The following FGGY variants were observed in gnomAD, a reference collection of about 807,000 sequenced individuals.
The protein encoded by FGGY is FGGY carbohydrate kinase domain-containing protein.
Under a neutral mutation model 71.3 loss-of-function variants are expected in FGGY, and 72 were observed. The ratio of observed to expected loss-of-function variants is 1.01; its 90% confidence interval spans 0.84 to 1.23. The LOEUF is 1.23. Ranked by LOEUF, FGGY falls within the 50% of genes most tolerant of loss-of-function variation. The pLI is 0.00. For synonymous variants in FGGY, 251 were observed against 250.3 expected (o/e 1.00, Z -0.02); for missense variants, 668 against 682.3 (o/e 0.98, Z 0.23).
chr1:59,592,540 G>A (rs1166059185), intron 8 of FGGY, among the ~76,000 whole-genome samples: 1 of 152,062 alleles, frequency 6.6e-6, no homozygotes, highest in Non-Finnish European at 1.5e-5. Context: ...CAACCCAAAT[G>A]TCCAACAATG....
intron 6 of FGGY, among the ~76,000 whole-genome samples, chr1:59,473,001 A>C (rs1291851341): frequency 6.6e-6 from 1 of 152,120 alleles, no homozygotes; most frequent in Non-Finnish European, 1.5e-5. Flanking sequence ...AAAACAGACC[A>C]CTCGGCTCTA....
chr1:59,583,809 G>A (rs1461741965), intron 8 of FGGY, among the ~76,000 whole-genome samples: 2 of 142,270 alleles, frequency 1.4e-5, no homozygotes, highest in African/African-American at 5.5e-5. Flanking sequence ...AGAGAGTGAG[G>A]AGTGAGAGGT....
intron 5 of FGGY, among the ~76,000 whole-genome samples, chr1:59,437,890 C>G (rs917966645): frequency 6.6e-6 from 1 of 152,162 alleles, no homozygotes; most frequent in African/African-American, 2.4e-5. Flanking sequence ...TGGCCTCTGA[C>G]CAGTCAGGGA....
At chr1:59,749,893 A>G (rs1471704311) in intron 14 of FGGY, among the ~76,000 whole-genome samples, 3 of 152,198 alleles carry the variant, frequency 2.0e-5, no homozygotes, top group African/African-American at 4.8e-5. Context: ...AAATTCTGGC[A>G]GTCTGTTATA....
At chr1:59,614,409 C>T (rs2096726968) in intron 9 of FGGY, among the ~76,000 whole-genome samples, 1 of 152,198 alleles carries the variant, frequency 6.6e-6, no homozygotes, top group African/African-American at 2.4e-5. Flanking sequence ...ACATGATTAT[C>T]TCAATAGATG....
chr1:59,458,599 A>G (rs1287243813), intron 6 of FGGY, among the ~76,000 whole-genome samples: 2 of 152,258 alleles, frequency 1.3e-5, no homozygotes, highest in Non-Finnish European at 2.9e-5. Context: ...AGTATCTACA[A>G]GAAATATTCA....
intron 8 of FGGY, among the ~76,000 whole-genome samples, chr1:59,588,263 G>C (rs940517696): frequency 6.6e-6 from 1 of 152,002 alleles, no homozygotes; most frequent in African/African-American, 2.4e-5. Context: ...AAAAAGAAAC[G>C]AACAAAGCCT....
At chr1:59,351,422 T>C (rs1480798013) in intron 4 of FGGY, among the ~76,000 whole-genome samples, 2 of 152,232 alleles carry the variant, frequency 1.3e-5, no homozygotes, top group Non-Finnish European at 2.9e-5. Flanking sequence ...TCAGAGTCTC[T>C]TGTTATTACA....
At chr1:59,355,017 T>G (rs2153225966) in intron 4 of FGGY, among the ~76,000 whole-genome samples, 1 of 152,286 alleles carries the variant, frequency 6.6e-6, no homozygotes, top group South Asian at 2.1e-4. Context: ...GGAGGGGGTT[T>G]GGCGAAGTGG....
chr1:59,379,432 G>C (rs12405453), intron 5 of FGGY, among the ~76,000 whole-genome samples: 32,519 of 151,896 alleles, frequency 0.21, 3,593 homozygotes, highest in East Asian at 0.36. Flanking sequence ...TCTAAACATA[G>C]AAAAGATATC....
chr1:59,525,593 GTTACA>G (rs1359310319), intron 7 of FGGY, among the ~76,000 whole-genome samples: 5 of 152,228 alleles, frequency 3.3e-5, no homozygotes, highest in African/African-American at 9.7e-5. Flanking sequence ...TTGCAGTAAA[GTTACA>G]TTATGAATAG....
At chr1:59,706,096 G>A (rs2097756046) in intron 14 of FGGY, among the ~76,000 whole-genome samples, 1 of 152,196 alleles carries the variant, frequency 6.6e-6, no homozygotes, top group Admixed American at 6.5e-5. Flanking sequence ...TACGTGGGTG[G>A]AGAGTTCTTT....
chr1:59,496,445 A>G (rs1270728039), intron 6 of FGGY, among the ~76,000 whole-genome samples: 3 of 152,188 alleles, frequency 2.0e-5, no homozygotes, highest in Non-Finnish European at 4.4e-5. Context: ...CACATACTGC[A>G]TATTCTCACT....
chr1:59,745,919 G>A (rs1310097395), intron 14 of FGGY, among the ~76,000 whole-genome samples: 1 of 152,208 alleles, frequency 6.6e-6, no homozygotes, highest in Non-Finnish European at 1.5e-5. Context: ...TTCAGAAAGT[G>A]GCTGTTGGTA....
chr1:59,454,957 G>C (rs1432345350), intron 5 of FGGY, among the ~76,000 whole-genome samples: 1 of 152,200 alleles, frequency 6.6e-6, no homozygotes, highest in Non-Finnish European at 1.5e-5. Context: ...TATTGTCCTT[G>C]TGAGATAGGT....
intron 2 of FGGY, among the ~76,000 whole-genome samples, chr1:59,325,487 GA>G (rs2047267072): frequency 6.6e-6 from 1 of 152,132 alleles, no homozygotes. Flanking sequence ...GAGAGGGTGA[GA>G]AGCCCCTCTC....
Position 59,536,149 on chromosome 1 carries a change from C to G in FGGY, c.800-17975C>G, listed in dbSNP as rs1235017524. ...CAATAAAAAATGATAAAGGGGATAT[C>G]ACCACCGATCCCACAGAAATACAAA... On this transcript the variant is annotated intron_variant, in intron 7 of 15. Coordinates refer to ENST00000303721, the MANE Select transcript of FGGY (RefSeq NM_018291.5). Among the ~76,000 whole-genome samples the G allele has an allele frequency of 4.6e-5, 7 of 151,604 alleles. No individual in the cohort carries two copies. In the East Asian group the frequency reaches 1.4e-3, roughly 29 times the overall value.
chr1:59,460,733 G>A (rs1267849377), intron 6 of FGGY, among the ~76,000 whole-genome samples: 1 of 152,208 alleles, frequency 6.6e-6, no homozygotes, highest in Admixed American at 6.5e-5. Context: ...AATATTTGCT[G>A]TTCTGCAGTA....
intron 4 of FGGY, among the ~76,000 whole-genome samples, chr1:59,369,588 T>A (rs1213465689): frequency 1.3e-5 from 2 of 152,204 alleles, no homozygotes; most frequent in African/African-American, 4.8e-5. Context: ...GCTGGAGATC[T>A]GAGAAGGGGC....
Sources: gnomAD v4.1 joint callset for allele counts (sites outside exome capture counted in the v4.1 genomes callset) on GRCh38, gnomAD v4.1.1 for gene constraint, MANE v1.5 for transcripts, NCBI Gene and HGNC (gene_info 2026-07-23, HGNC 2026-07-21) for gene names.